The following MAP3K13 variants were observed in gnomAD, a reference collection of about 807,000 sequenced individuals.
MAP3K13 encodes the protein mitogen-activated protein kinase kinase kinase 13, also known as leucine zipper-bearing kinase.
In MAP3K13, 52 loss-of-function variants were observed where a neutral mutation model predicts 104.0. The ratio of observed to expected loss-of-function variants is 0.50; its 90% CI spans 0.40 to 0.63. MAP3K13 has a LOEUF of 0.63. MAP3K13 is among the 20% of genes least tolerant of loss of function. The pLI is 0.00. For missense variants in MAP3K13, 914 were observed against 1,218.5 expected, an observed-to-expected ratio of 0.75 and a Z score of 3.72; for synonymous variants, 394 against 442.2, an observed-to-expected ratio of 0.89 and a Z score of 1.37.
chr3:185,481,428 T>G (rs1189996847), intron 13 of MAP3K13: 1 of 151,994 alleles, frequency 6.6e-6, no homozygotes, highest in African/African-American at 2.4e-5. Flanking sequence ...AGTTTGAGGC[T>G]GCAGTGAGCT....
At chr3:185,376,942 T>C (rs1724457223) in intron 1 of MAP3K13, among the ~76,000 whole-genome samples, 2 of 151,932 alleles carry the variant, frequency 1.3e-5, no homozygotes, top group South Asian at 4.2e-4. Context: ...GCCTGATGGG[T>C]GTCAGGGTCA....
chr3:185,291,849 G>A (rs1281871518), intron 2 of MAP3K13: 1 of 1,232,772 alleles, frequency 8.1e-7, no homozygotes, highest in East Asian at 3.4e-5. Context: ...GGCCTCTAGG[G>A]TCCTTCATAT....
chr3:185,405,367 A>G (rs1341943324), intron 1 of MAP3K13, among the ~76,000 whole-genome samples: 1 of 152,192 alleles, frequency 6.6e-6, no homozygotes, highest in African/African-American at 2.4e-5. Context: ...ATGAGGCCAA[A>G]TTCTTTTGAT....
intron 2 of MAP3K13, among the ~76,000 whole-genome samples, chr3:185,319,266 G>A (rs570830742): frequency 6.6e-6 from 1 of 152,304 alleles, no homozygotes; most frequent in South Asian, 2.1e-4. Flanking sequence ...GATGAGCATT[G>A]TGATGTTTCA....
In MAP3K13 at chr3:185,424,730, C is replaced by T. The variant is rs537757905; in HGVS notation, c.-85-3767C>T. 1.6e-4 allele frequency among the ~76,000 whole-genome samples: 25 copies of T among 152,302 alleles called. No individual in the cohort carries two copies. The South Asian group carries it at 4.6e-3, about 28-fold the overall frequency. On this transcript the variant is annotated intron_variant, in intron 1 of 13. Coordinates refer to ENST00000265026, the MANE Select transcript of MAP3K13 (RefSeq NM_004721.5). ...AAACAGCCTTCTGTAAATTGTAAAG[C>T]ACTTTGTCTTACTTATTATTAAAAA...
intron 1 of MAP3K13, among the ~76,000 whole-genome samples, chr3:185,395,508 G>A (rs557233509): frequency 0.018 from 1,956 of 110,802 alleles, 95 homozygotes; most frequent in African/African-American, 0.062. Flanking sequence ...ACAGGCACCC[G>A]CCACCACGCC....
chr3:185,478,532 CCCAA>C (rs969903870), intron 12 of MAP3K13, among the ~76,000 whole-genome samples: 26 of 152,214 alleles, frequency 1.7e-4, no homozygotes, highest in African/African-American at 6.3e-4. Context: ...CCCCCTGACC[CCCAA>C]CCAACTCACC....
chr3:185,285,536 C>G, exon 2 of MAP3K13: 1 of 1,289,934 alleles, frequency 7.8e-7, no homozygotes, highest in South Asian at 1.3e-5. Context: ...ACACTGAAAT[C>G]TATGGACTCT....
At chr3:185,300,989 G>A (rs1237855100) in intron 2 of MAP3K13, among the ~76,000 whole-genome samples, 4 of 152,026 alleles carry the variant, frequency 2.6e-5, no homozygotes, top group Admixed American at 6.6e-5. Context: ...AGGTCATATG[G>A]TAATTCTATT....
intron 1 of MAP3K13, among the ~76,000 whole-genome samples, chr3:185,415,573 A>ATTTTTTTT (rs34633048): frequency 5.0e-5 from 6 of 119,458 alleles, no homozygotes; most frequent in East Asian, 2.6e-4. Flanking sequence ...AGAAGGGTTA[A>ATTTTTTTT]TTTCTTTTTT....
At chr3:185,411,277 T>C (rs529104015) in intron 1 of MAP3K13, among the ~76,000 whole-genome samples, 1 of 152,288 alleles carries the variant, frequency 6.6e-6, no homozygotes, top group South Asian at 2.1e-4. Flanking sequence ...GGGAAAAACA[T>C]TTGCACATAG....
rs146043810 is a variant in MAP3K13, at chr3:185,307,048, A to G, written c.-86+21405A>G. Reference sequence around the variant, plus strand: ...CTGCAGTGTTTCTCCTGAGAAATCCAATAATAATCTCATGCGAGTTCTCTT... The same window carrying G: ...CTGCAGTGTTTCTCCTGAGAAATCCGATAATAATCTCATGCGAGTTCTCTT... On this transcript the variant is annotated intron_variant, in intron 2 of 14. Transcript: ENST00000424227. Among the ~76,000 whole-genome samples the G allele has an allele frequency of 2.9e-3, 438 of 152,260 alleles. 2 individuals are homozygous for G. Among genetic ancestry groups the G allele is most frequent in the African/African-American group, 9.5e-3 (393 of 41,548 alleles).
At chr3:185,291,613 C>G in intron 2 of MAP3K13, 1 of 1,515,196 alleles carries the variant, frequency 6.6e-7, no homozygotes, top group Non-Finnish European at 8.8e-7. Context: ...TGTTTTCAAG[C>G]ATCAAGTACC....
intron 12 of MAP3K13, 51 bp downstream of exon 12, chr3:185,477,447 A>G (rs762146780): frequency 1.4e-6 from 2 of 1,447,462 alleles, no homozygotes; most frequent in Non-Finnish European, 1.9e-6. Context: ...GGGAAAAAAA[A>G]TCCTAAGTTT....
At chr3:185,356,060 G>A (rs1475208238) in intron 2 of MAP3K13, among the ~76,000 whole-genome samples, 2 of 152,108 alleles carry the variant, frequency 1.3e-5, no homozygotes, top group Non-Finnish European at 2.9e-5. Flanking sequence ...TTCTGTGAAG[G>A]TCACTGACTT....
intron 7 of MAP3K13, among the ~76,000 whole-genome samples, chr3:185,461,686 C>A (rs1717113820): frequency 1.3e-5 from 2 of 152,062 alleles, no homozygotes; most frequent in Admixed American, 1.3e-4. Flanking sequence ...CCTCAGCCTG[C>A]CGAATAGCTG....
chr3:185,347,071 C>G (rs1004230962), intron 2 of MAP3K13, among the ~76,000 whole-genome samples: 1 of 149,344 alleles, frequency 6.7e-6, no homozygotes, highest in Non-Finnish European at 1.5e-5. Flanking sequence ...ACTGCAACCT[C>G]TACCTCCCGG....
Position 185,363,269 on chromosome 3 carries a change from CT to C in MAP3K13, c.-184del, listed in dbSNP as rs1285305772. ...GGAGGATTGTGTGGGTGGAATCCCCCTCCCCTTTATTTTTCCAATTCTGCAA... is the reference window on the plus strand; with the variant it reads ...GGAGGATTGTGTGGGTGGAATCCCCCCCCCTTTATTTTTCCAATTCTGCAA... On this transcript the variant is annotated 5_prime_UTR_variant, in exon 1 of 14. It introduces an in-frame stop codon into an upstream open reading frame of the 5' UTR. Coordinates refer to ENST00000265026, the MANE Select transcript of MAP3K13 (RefSeq NM_004721.5). 8.1e-6 allele frequency: 8 copies of C among 985,250 alleles called. No homozygotes were observed. Among genetic ancestry groups the C allele is most frequent in the Non-Finnish European group, 8.4e-6 (7 of 829,916 alleles). The allele number at this position is 985,250 out of a possible 1,614,324, so 61.0% of individuals were successfully genotyped here.
intron 2 of MAP3K13, among the ~76,000 whole-genome samples, chr3:185,305,270 G>A (rs6804815): frequency 0.78 from 118,176 of 152,024 alleles, 46,461 homozygotes; most frequent in Non-Finnish European, 0.84. Flanking sequence ...ACTTTCTCTC[G>A]TGTATCTTCT....
Sources: allele counts gnomAD v4.1 joint callset (sites outside exome capture counted in the v4.1 genomes callset), GRCh38; gene constraint gnomAD v4.1.1; transcripts MANE v1.5; gene names NCBI Gene and HGNC (gene_info 2026-07-23, HGNC 2026-07-21).